Variants in ATL2 observed in about 807,000 individuals in gnomAD.
ATL2 encodes the protein atlastin-2.
Under a neutral mutation model 73.9 loss-of-function variants are expected in ATL2, and 31 were observed. The ratio of observed to expected loss-of-function variants is 0.42; its 90% CI spans 0.32 to 0.57. The LOEUF is 0.57. ATL2 is among the 20% of genes least tolerant of loss of function. The pLI, the probability that ATL2 is intolerant of heterozygous loss-of-function variation, is 0.14. For missense variants in ATL2, 738 were observed against 702.6 expected (o/e 1.05, Z -0.57); for synonymous variants, 291 against 237.5 (o/e 1.23, Z -2.07).
Position 38,298,202 on chromosome 2 carries a change from C to T in ATL2, c.1574G>A (p.Gly525Glu), listed in dbSNP as rs1392082356. 6.2e-7 allele frequency: 1 copy of T among 1,613,890 alleles called. No homozygotes were observed. The highest frequency in any genetic ancestry group is 8.5e-7 in the Non-Finnish European group (1 of 1,179,970). Residue 525 changes from glycine to glutamate, a missense_variant, in exon 12 of 13, where the codon GGG (glycine) becomes GAG (glutamate). By Grantham distance (98) the Gly-to-Glu change is moderately conservative (BLOSUM62 -2). Transcript: ENST00000378954. Reference sequence around the variant, plus strand: ...CACTGTTCCAATTTCTCTGAACTCCCCAGAGTATTTAACATATGCCCAAGT... The same window carrying T: ...CACTGTTCCAATTTCTCTGAACTCCTCAGAGTATTTAACATATGCCCAAGT... ...LCTWAYVKYS[G>E]EFREIGTVID...
chr2:38,346,609 G>C (rs532879502), intron 1 of ATL2, among the ~76,000 whole-genome samples: 2 of 152,156 alleles, frequency 1.3e-5, no homozygotes, highest in Non-Finnish European at 2.9e-5. Context: ...GCATTAGTTA[G>C]ATTCTCATAA....
At chr2:38,298,104 A>C in intron 12 of ATL2, 40 bp downstream of exon 12, 6 of 1,529,796 alleles carry the variant, frequency 3.9e-6, no homozygotes, top group Non-Finnish European at 5.3e-6. Flanking sequence ...TCACAGGAAA[A>C]TAAGATTAGT....
intron 1 of ATL2, among the ~76,000 whole-genome samples, chr2:38,367,604 A>C (rs866664235): frequency 0.015 from 1,879 of 122,844 alleles, 85 homozygotes; most frequent in African/African-American, 0.064. Context: ...CAAAAAAAAA[A>C]AAAAAAAAAA....
intron 11 of ATL2, 75 bp downstream of exon 11, chr2:38,299,181 A>ATTTTTTTT: frequency 7.4e-7 from 1 of 1,343,492 alleles, no homozygotes; most frequent in Non-Finnish European, 9.7e-7. Context: ...TTATTTAAAA[A>ATTTTTTTT]ATTTTTTTAA....
In ATL2 at chr2:38,374,557, T is replaced by A. The variant is rs146619235; in HGVS notation, c.118+2586A>T. On this transcript the variant is annotated intron_variant, in intron 1 of 12. Transcript: ENST00000378954. Reference sequence around the variant, plus strand: ...TTAACTTCTACTCCTATGCCTTACATTTCTGGCTCTTAACTTTTTAAGGGC... The same window carrying A: ...TTAACTTCTACTCCTATGCCTTACAATTCTGGCTCTTAACTTTTTAAGGGC... Among the ~76,000 whole-genome samples the A allele has an allele frequency of 3.2e-3, 484 of 152,384 alleles. 10 individuals are homozygous for A. The highest frequency in any genetic ancestry group is 0.029 in the Admixed American group (446 of 15,302).
At chr2:38,358,560 C>A in intron 1 of ATL2, 1 of 332,664 alleles carries the variant, frequency 3.0e-6, no homozygotes, top group Non-Finnish European at 6.3e-6. Context: ...GACACGGTGG[C>A]AGGCGCCTGT....
At chr2:38,369,968 G>T (rs1671572539) in intron 1 of ATL2, among the ~76,000 whole-genome samples, 1 of 149,734 alleles carries the variant, frequency 6.7e-6, no homozygotes, top group Admixed American at 6.7e-5. Context: ...TGGCTAACAC[G>T]GTGAAACCCC....
At chr2:38,344,467 G>A (rs1463712538) in intron 1 of ATL2, among the ~76,000 whole-genome samples, 1 of 152,026 alleles carries the variant, frequency 6.6e-6, no homozygotes. Flanking sequence ...AAAATTAGCT[G>A]GGCATGGTAG....
chr2:38,377,033 G>A (rs904409645), intron 1 of ATL2, 110 bp downstream of exon 1: 21 of 992,590 alleles, frequency 2.1e-5, no homozygotes, highest in African/African-American at 5.2e-5. Flanking sequence ...GAGGAGACCT[G>A]AACCAGCCGC....
At chr2:38,366,682 A>C (rs1346621389) in intron 1 of ATL2, among the ~76,000 whole-genome samples, 1 of 152,222 alleles carries the variant, frequency 6.6e-6, no homozygotes, top group Non-Finnish European at 1.5e-5. Flanking sequence ...CGATAAACTT[A>C]ACTCACAAAT....
At chr2:38,308,975 C>T (rs1490889490) in intron 9 of ATL2, among the ~76,000 whole-genome samples, 1 of 151,242 alleles carries the variant, frequency 6.6e-6, no homozygotes, top group Non-Finnish European at 1.5e-5. Flanking sequence ...TTACTTGAAC[C>T]AATATAAATA....
At chr2:38,364,585 C>T (rs1171991930) in intron 1 of ATL2, among the ~76,000 whole-genome samples, 2 of 152,186 alleles carry the variant, frequency 1.3e-5, no homozygotes, top group East Asian at 3.8e-4. Flanking sequence ...TCTTACATGC[C>T]TTATAAAACG....
chr2:38,333,910 T>G (rs1283493987), intron 2 of ATL2, among the ~76,000 whole-genome samples: 2 of 152,166 alleles, frequency 1.3e-5, no homozygotes, highest in Non-Finnish European at 2.9e-5. Context: ...TAATCCAATT[T>G]AAAACCTGCA....
At chr2:38,313,128 C>G in intron 7 of ATL2, 23 bp downstream of exon 7, 1 of 1,557,528 alleles carries the variant, frequency 6.4e-7, no homozygotes, top group South Asian at 1.1e-5. Flanking sequence ...TTATGTTCTC[C>G]TCTTTAAGCA....
chr2:38,344,436 C>T (rs894694325), intron 1 of ATL2, among the ~76,000 whole-genome samples: 3 of 152,040 alleles, frequency 2.0e-5, no homozygotes, highest in African/African-American at 7.2e-5. Context: ...ATGGGGAAAC[C>T]CCGTCTCTAC....
At chr2:38,372,087 T>C (rs143213042) in intron 1 of ATL2, among the ~76,000 whole-genome samples, 2 of 151,970 alleles carry the variant, frequency 1.3e-5, no homozygotes, top group East Asian at 1.9e-4. Context: ...ATAAGGTTTT[T>C]ATGAGATTCA....
At chr2:38,315,702 T>C (rs1360417219) in intron 4 of ATL2, among the ~76,000 whole-genome samples, 3 of 152,138 alleles carry the variant, frequency 2.0e-5, no homozygotes, top group African/African-American at 7.2e-5. Flanking sequence ...TCCACCATCA[T>C]TTTTCTAAAT....
At chr2:38,315,666 T>C (rs901310602) in intron 4 of ATL2, among the ~76,000 whole-genome samples, 2 of 152,154 alleles carry the variant, frequency 1.3e-5, no homozygotes, top group Admixed American at 1.3e-4. Context: ...TAAGATACGA[T>C]CATTTTTTAA....
chr2:38,305,042 A>C (rs1460108083), intron 9 of ATL2, among the ~76,000 whole-genome samples: 1 of 151,900 alleles, frequency 6.6e-6, no homozygotes, highest in Non-Finnish European at 1.5e-5. Flanking sequence ...ACTGAAAATA[A>C]AGGTATGGAA....
Sources: gnomAD v4.1 joint callset for allele counts (sites outside exome capture counted in the v4.1 genomes callset) on GRCh38, gnomAD v4.1.1 for gene constraint, MANE v1.5 for transcripts, NCBI Gene and HGNC (gene_info 2026-07-23, HGNC 2026-07-21) for gene names.